The following CHRNA1 variants were observed in gnomAD, a reference collection of about 807,000 sequenced individuals.
The protein encoded by CHRNA1 is cholinergic receptor nicotinic alpha 1 subunit, also known as acetylcholine receptor subunit alpha.
CHRNA1 carries 35 observed loss-of-function variants against 47.1 expected under a neutral mutation model. The observed-to-expected ratio is 0.74, with a 90% CI of 0.57 to 0.99. The LOEUF is 0.99. CHRNA1 is among the 50% of genes least tolerant of loss of function. The pLI is 0.00. For synonymous variants in CHRNA1, 229 were observed against 223.6 expected, an observed-to-expected ratio of 1.02 and a Z score of -0.22; for missense variants, 506 against 591.1, an observed-to-expected ratio of 0.86 and a Z score of 1.49.
At chr2:174,753,305 G>T in intron 6 of CHRNA1, 198 bp downstream of exon 6, 1 of 739,162 alleles carries the variant, frequency 1.4e-6, no homozygotes, top group Non-Finnish European at 2.5e-6. Flanking sequence ...TGCCGCTCGG[G>T]GTGTCTGCCC....
Position 174,759,339 on chromosome 2 carries a change from G to C in CHRNA1, c.226C>G (p.Leu76Val), listed in dbSNP as rs1366127078. The change falls in exon 3 of 9, where the codon CTG becomes GTG. Residue 76 changes from leucine (L) to valine (V), a missense_variant. By Grantham distance (32) the Leu-to-Val change is conservative. Coordinates refer to ENST00000348749, the MANE Select transcript of CHRNA1 (RefSeq NM_000079.4). ...VNQIVTTNVRLKQQWVDYNLK... is the reference protein window; with the variant it reads ...VNQIVTTNVRVKQQWVDYNLK... ...TTATCTGGCTAAGTTACCTGTTTCA[G>C]ACGCACATTGGTTGTCACGATCTGA... The C allele has an allele frequency of 4.3e-6, 7 of 1,614,048 alleles. No homozygotes were observed. The highest frequency in any genetic ancestry group is 5.9e-6 in the Non-Finnish European group (7 of 1,179,982).
Position 174,753,566 on chromosome 2 carries a change from T to A in CHRNA1, c.715A>T (p.Ile239Phe). 1 of 1,614,104 alleles carries A rather than the reference T, an allele frequency of 6.2e-7. No individual in the cohort carries two copies. Among genetic ancestry groups the A allele is most frequent in the Admixed American group, 1.7e-5 (1 of 60,000 alleles). Reference sequence around the variant, plus strand: ...AAGGAGAAGAGCAGGCAGGGGATGATGACGTTGACGATGAAGTAGAGGGGC... The same window carrying A: ...AAGGAGAAGAGCAGGCAGGGGATGAAGACGTTGACGATGAAGTAGAGGGGC... ...RLPLYFIVNV[I>F]IPCLLFSFLT... Residue 239 changes from isoleucine to phenylalanine, a missense_variant, in exon 6 of 9, where the codon ATC (isoleucine) becomes TTC (phenylalanine). Coordinates refer to ENST00000348749, the MANE Select transcript of CHRNA1 (RefSeq NM_000079.4).
intron 3 of CHRNA1, 141 bp from the exon 4 acceptor site, chr2:174,757,816 C>T (rs1471734088): frequency 6.1e-6 from 6 of 982,400 alleles, no homozygotes; most frequent in Middle Eastern, 4.3e-4. Flanking sequence ...CAGAATTTAG[C>T]TTTCACTTCA....
Position 174,750,161 on chromosome 2 carries a change from T to C in CHRNA1, c.787A>G (p.Met263Val), listed in dbSNP as rs781359883. ...AGTAAGACAGAGATGCTCAGAGTCA[T>C]CTTCTCCCCTGAAAAGACCAAAAAA... ...FYLPTDSGEKMTLSISVLLSL... is the reference protein window; with the variant it reads ...FYLPTDSGEKVTLSISVLLSL... Residue 263 changes from methionine to valine, a missense_variant, in exon 7 of 9, where the codon ATG becomes GTG. Met to Val is a conservative substitution (Grantham distance 21, BLOSUM62 1). Transcript: ENST00000348749. 2 of 1,592,528 alleles carry C rather than the reference T, an allele frequency of 1.3e-6. No homozygotes were observed. The highest frequency in any genetic ancestry group is 1.1e-5 in the South Asian group (1 of 89,974).
chr2:174,748,743 T>C lies in CHRNA1; in HGVS notation c.1079A>G (p.Lys360Arg). The C allele has an allele frequency of 6.2e-7, 1 of 1,614,206 alleles. No individual in the cohort carries two copies. ...KRPSREKQDK[K>R]IFTEDIDISD... ...GATATCAATGTCTTCTGTAAAAATC[T>C]TTTTGTCTTGCTTTTCTCTGGATGG... Residue 360 changes from lysine to arginine, a missense_variant, in exon 8 of 9, where the codon AAG (lysine) becomes AGG (arginine). By Grantham distance (26) the Lys-to-Arg change is conservative. Coordinates refer to ENST00000348749, the MANE Select transcript of CHRNA1 (RefSeq NM_000079.4).
intron 1 of CHRNA1, among the ~76,000 whole-genome samples, chr2:174,763,937 G>A (rs1279603921): frequency 6.6e-6 from 1 of 151,910 alleles, no homozygotes; most frequent in Admixed American, 6.6e-5. Flanking sequence ...AGCAGTAAAG[G>A]GACTTGTTAA....
At chr2:174,749,699 G>C (rs908244848) in intron 7 of CHRNA1, among the ~76,000 whole-genome samples, 1 of 152,236 alleles carries the variant, frequency 6.6e-6, no homozygotes, top group African/African-American at 2.4e-5. Flanking sequence ...TGATCAAAGA[G>C]ATTCTTTAAA....
intron 6 of CHRNA1, among the ~76,000 whole-genome samples, 176 bp from the exon 7 acceptor site, chr2:174,750,345 T>C (rs1683824503): frequency 6.6e-6 from 1 of 152,018 alleles, no homozygotes; most frequent in Admixed American, 6.6e-5. Context: ...CGAGGTGATA[T>C]GGGGTAGTGA....
intron 7 of CHRNA1, among the ~76,000 whole-genome samples, chr2:174,749,353 G>T (rs1006179195): frequency 2.0e-5 from 3 of 152,184 alleles, no homozygotes; most frequent in Admixed American, 2.0e-4. Context: ...AGCTTCTTTT[G>T]TCAATTCCTG....
rs773509048 is a variant in CHRNA1, at chr2:174,754,402, G to C, written c.357C>G (p.Asp119Glu). 6 of 1,614,026 alleles carry C rather than the reference G, an allele frequency of 3.7e-6. No homozygotes were observed. Among genetic ancestry groups the C allele is most frequent in the Middle Eastern group, 1.7e-4 (1 of 6,008 alleles). Residue 119 changes from aspartate to glutamate, a missense_variant, in exon 5 of 9, where the codon GAC becomes GAG. Physicochemically the swap from Asp to Glu is conservative, Grantham distance 45 (BLOSUM62 2). Coordinates refer to ENST00000348749, the MANE Select transcript of CHRNA1 (RefSeq NM_000079.4). Reference sequence around the variant, plus strand: ...CTTTGGTGAACTTGACAATAGCAAAGTCACCATCTGCACTACAATTGGGAT... The same window carrying C: ...CTTTGGTGAACTTGACAATAGCAAACTCACCATCTGCACTACAATTGGGAT... ...DLVLYNNADG[D>E]FAIVKFTKVL...
chr2:174,750,978 A>T (rs1558910583), intron 6 of CHRNA1, among the ~76,000 whole-genome samples: 1 of 152,182 alleles, frequency 6.6e-6, no homozygotes, highest in Non-Finnish European at 1.5e-5. Context: ...TCTTTCTGTT[A>T]TTGAGGGAGC....
chr2:174,760,619 T>C (rs1239326623), intron 1 of CHRNA1, among the ~76,000 whole-genome samples: 1 of 152,188 alleles, frequency 6.6e-6, no homozygotes, highest in African/African-American at 2.4e-5. Context: ...GAAAACGTTC[T>C]GGAAATAGAT....
chr2:174,751,765 G>A (rs28392956), intron 6 of CHRNA1, among the ~76,000 whole-genome samples: 9,285 of 150,422 alleles, frequency 0.062, 349 homozygotes, highest in South Asian at 0.21. Context: ...TGCAACCTCC[G>A]CCTCCAGGGT....
intron 1 of CHRNA1, among the ~76,000 whole-genome samples, chr2:174,759,990 A>G (rs1234570906): frequency 6.6e-6 from 1 of 151,950 alleles, no homozygotes. Context: ...AGCCAATCTC[A>G]GTGTTTCAGA....
intron 6 of CHRNA1, 58 bp downstream of exon 6, chr2:174,753,445 A>G (rs891668768): frequency 5.3e-6 from 8 of 1,502,684 alleles, no homozygotes; most frequent in African/African-American, 2.8e-5. Context: ...GGCTTCCCCA[A>G]AATAGCAGCA....
chr2:174,748,634 G>T lies in CHRNA1; in HGVS notation c.1188C>A (p.Ile396=). The stretch of plus-strand genomic sequence containing the variant: ...TCTCTGCGATGTACTTGATGCCCTC[G>T]ATGGCACTTTTCACCTCGGGGTGTT... ...LIKHPEVKSA[I]EGIKYIAETM... Residue 396 remains isoleucine, a synonymous_variant, in exon 8 of 9, where the codon ATC becomes ATA. Transcript: ENST00000348749. The T allele has an allele frequency of 1.2e-6, 2 of 1,614,146 alleles. No individual in the cohort carries two copies. Among genetic ancestry groups the T allele is most frequent in the African/African-American group, 2.7e-5 (2 of 75,052 alleles).
At chr2:174,748,535 G>T in intron 8 of CHRNA1, 45 bp downstream of exon 8, 2 of 1,602,000 alleles carry the variant, frequency 1.2e-6, no homozygotes, top group South Asian at 2.2e-5. Context: ...TCATACATTT[G>T]ACCATTTAAA....
At chr2:174,757,475 G>T in intron 4 of CHRNA1, 91 bp downstream of exon 4, 1 of 909,310 alleles carries the variant, frequency 1.1e-6, no homozygotes. Flanking sequence ...TAGCAGTGGT[G>T]AGAAGCATTC....
chr2:174,757,858 C>T lies in CHRNA1; in HGVS notation c.235-183G>A, dbSNP rs114403674. ...AAGAACAGCAAATATATAGCACTGACGACGTGCTCACACTGTTTCAAACAA... is the reference window on the plus strand; with the variant it reads ...AAGAACAGCAAATATATAGCACTGATGACGTGCTCACACTGTTTCAAACAA... On this transcript the variant is annotated intron_variant, in intron 3 of 8. Coordinates refer to ENST00000348749, the MANE Select transcript of CHRNA1 (RefSeq NM_000079.4). 3,206 of 941,782 alleles carry T rather than the reference C, an allele frequency of 3.4e-3. 10 individuals are homozygous for T. Among genetic ancestry groups the T allele is most frequent in the Admixed American group, 4.8e-3 (242 of 50,340 alleles). The allele number at this position is 941,782 out of a possible 1,614,324, so 58.3% of individuals were successfully genotyped here.
Sources: allele counts gnomAD v4.1 joint callset (sites outside exome capture counted in the v4.1 genomes callset), GRCh38; gene constraint gnomAD v4.1.1; transcripts MANE v1.5; gene names NCBI Gene and HGNC (gene_info 2026-07-23, HGNC 2026-07-21).